Variants in LTBP2 observed in about 807,000 individuals in gnomAD.
LTBP2 encodes the protein latent-transforming growth factor beta-binding protein 2.
Under a neutral mutation model 210.6 loss-of-function variants are expected in LTBP2, and 103 were observed. The observed-to-expected ratio is 0.49, with a 90% CI of 0.42 to 0.58. LTBP2 has a LOEUF of 0.58. Among genes scored for constraint, LTBP2 ranks in the 20% least tolerant of loss-of-function variants. The pLI is 0.00. For missense variants in LTBP2, 2,313 were observed against 2,494.5 expected (o/e 0.93, Z 1.55); for synonymous variants, 1,007 against 1,015.0 (o/e 0.99, Z 0.15).
At chr14:74,564,665 G>A (rs2087879268) in intron 3 of LTBP2, among the ~76,000 whole-genome samples, 1 of 151,672 alleles carries the variant, frequency 6.6e-6, no homozygotes, top group Non-Finnish European at 1.5e-5. Context: ...TTACAGGTGT[G>A]AGCCACCAGG....
At chr14:74,535,775 C>A in intron 9 of LTBP2, 151 bp downstream of exon 9, 1 of 737,206 alleles carries the variant, frequency 1.4e-6, no homozygotes, top group Admixed American at 2.0e-5. Flanking sequence ...TCCTTAGTCC[C>A]CTGGAATCAG....
At chr14:74,552,139 C>T (rs187217371) in intron 6 of LTBP2, 48 bp downstream of exon 6, 2 of 1,534,174 alleles carry the variant, frequency 1.3e-6, no homozygotes, top group African/African-American at 1.4e-5. Flanking sequence ...CTCCACCCAA[C>T]TGGCACTCCT....
chr14:74,523,720 A>G (rs1449997619), intron 15 of LTBP2, among the ~76,000 whole-genome samples: 4 of 152,166 alleles, frequency 2.6e-5, no homozygotes, highest in Non-Finnish European at 5.9e-5. Flanking sequence ...GAACATGCCA[A>G]ATGGATAAAT....
chr14:74,521,424 CCACA>C (rs2087200779), intron 17 of LTBP2, among the ~76,000 whole-genome samples: 1 of 151,312 alleles, frequency 6.6e-6, no homozygotes, highest in Non-Finnish European at 1.5e-5. Flanking sequence ...TGGCAGTGGG[CCACA>C]TCACATCTTC....
chr14:74,507,352 A>T, intron 25 of LTBP2, 42 bp from the exon 26 acceptor site: 1 of 1,613,164 alleles, frequency 6.2e-7, no homozygotes. Flanking sequence ...AGAGGTGGCC[A>T]GGTCACTGCT....
At chr14:74,533,418 A>G (rs1399535211) in intron 9 of LTBP2, among the ~76,000 whole-genome samples, 1 of 152,138 alleles carries the variant, frequency 6.6e-6, no homozygotes, top group East Asian at 1.9e-4. Flanking sequence ...TGGAAGGTGG[A>G]GAAGGGGCAG....
chr14:74,518,288 G>A (rs1659316955), intron 17 of LTBP2, among the ~76,000 whole-genome samples: 2 of 152,198 alleles, frequency 1.3e-5, no homozygotes, highest in African/African-American at 4.8e-5. Context: ...AGAAATGTTA[G>A]CTATTATTAT....
chr14:74,552,192 T>C lies in LTBP2; in HGVS notation c.1394A>G (p.Gln465Arg). ...QSTFTLPLSN[Q>R]LASVNPSLVK... is the part of the protein sequence containing the mutation. ...CCAGCTGTGCCGGCACTCACCCAGC[T>C]GGTTGGAGAGCGGCAGTGTGAAAGT... The change falls in exon 6 of 36, where the codon CAG becomes CGG. Residue 465 changes from glutamine to arginine, a missense_variant. Transcript: ENST00000261978. The C allele has an allele frequency of 2.6e-6, 4 of 1,535,062 alleles. No individual in the cohort carries two copies. The highest frequency in any genetic ancestry group is 3.5e-6 in the Non-Finnish European group (4 of 1,132,622).
At chr14:74,521,078 A>G (rs1379960550) in intron 17 of LTBP2, among the ~76,000 whole-genome samples, 1 of 152,038 alleles carries the variant, frequency 6.6e-6, no homozygotes, top group Non-Finnish European at 1.5e-5. Context: ...TTCCCTCCAT[A>G]ATCAAGTGAT....
At chr14:74,564,121 A>T (rs865935023) in intron 3 of LTBP2, among the ~76,000 whole-genome samples, 2 of 37,614 alleles carry the variant, frequency 5.3e-5, no homozygotes, top group Non-Finnish European at 9.4e-5. Context: ...TTATATATAT[A>T]TATTTATATA....
At chr14:74,573,816 G>A (rs928860482) in intron 3 of LTBP2, among the ~76,000 whole-genome samples, 1 of 152,174 alleles carries the variant, frequency 6.6e-6, no homozygotes, top group Non-Finnish European at 1.5e-5. Context: ...ATGTGAGCCG[G>A]CACTTTATCC....
chr14:74,515,764 C>T (rs2087126431), intron 18 of LTBP2, among the ~76,000 whole-genome samples: 1 of 152,102 alleles, frequency 6.6e-6, no homozygotes, highest in Admixed American at 6.5e-5. Context: ...CTGAAGATGC[C>T]AGGCTGTCTT....
chr14:74,594,131 C>G (rs1359087995), intron 2 of LTBP2, among the ~76,000 whole-genome samples: 1 of 152,136 alleles, frequency 6.6e-6, no homozygotes, highest in Non-Finnish European at 1.5e-5. Context: ...GCCCTGGTTA[C>G]AGAGATAAAC....
intron 1 of LTBP2, among the ~76,000 whole-genome samples, chr14:74,611,140 C>T (rs1035719993): frequency 5.9e-5 from 9 of 152,256 alleles, no homozygotes; most frequent in African/African-American, 2.2e-4. Flanking sequence ...CAAGAGTCTA[C>T]AAGAGCTCGT....
intron 3 of LTBP2, among the ~76,000 whole-genome samples, chr14:74,559,124 A>G (rs1009365334): frequency 2.0e-5 from 3 of 152,232 alleles, no homozygotes; most frequent in African/African-American, 7.2e-5. Context: ...AGTTAGCTAC[A>G]GTTTGGACTA....
At chr14:74,603,588 T>C in intron 2 of LTBP2, 47 bp downstream of exon 2, 1 of 1,600,226 alleles carries the variant, frequency 6.2e-7, no homozygotes, top group Non-Finnish European at 8.6e-7. Flanking sequence ...GGAATGGCAC[T>C]TCACGTTTGA....
chr14:74,530,678 G>GC (rs2087339181), intron 10 of LTBP2, among the ~76,000 whole-genome samples: 2 of 152,168 alleles, frequency 1.3e-5, no homozygotes, highest in African/African-American at 4.8e-5. Flanking sequence ...ACCACGCCTG[G>GC]CTAATTTTTA....
intron 1 of LTBP2, among the ~76,000 whole-genome samples, chr14:74,609,157 G>A (rs2139813199): frequency 6.6e-6 from 1 of 152,272 alleles, no homozygotes; most frequent in South Asian, 2.1e-4. Flanking sequence ...AATGGACCAG[G>A]GTGGAGGAAG....
At chr14:74,540,868 T>G (rs1437035740) in intron 8 of LTBP2, among the ~76,000 whole-genome samples, 2 of 77,546 alleles carry the variant, frequency 2.6e-5, no homozygotes, top group Admixed American at 3.8e-4. Flanking sequence ...TATATATATT[T>G]ATATATATAA....
Sources: allele counts gnomAD v4.1 joint callset (sites outside exome capture counted in the v4.1 genomes callset), GRCh38; gene constraint gnomAD v4.1.1; transcripts MANE v1.5; gene names NCBI Gene and HGNC (gene_info 2026-07-23, HGNC 2026-07-21).